MYH15: variants seen among roughly 807,000 people sequenced by gnomAD.
The protein encoded by MYH15 is myosin-15.
A neutral mutation model predicts 240.5 loss-of-function variants in MYH15; 227 were observed. That is an observed-to-expected ratio of 0.94 (90% CI 0.85 to 1.05). MYH15 has a LOEUF of 1.05. Ranked by LOEUF, MYH15 falls within the 50% of genes least tolerant of loss-of-function variation. The probability of loss-of-function intolerance (pLI) is 0.00; values close to 1 mark genes in which losing one functional copy is unlikely to be tolerated. For missense variants in MYH15, 2,217 were observed against 2,247.5 expected, an observed-to-expected ratio of 0.99 and a Z score of 0.27; for synonymous variants, 785 against 796.7, an observed-to-expected ratio of 0.99 and a Z score of 0.25.
At chr3:108,457,354 T>C (rs996096459) in intron 18 of MYH15, among the ~76,000 whole-genome samples, 2 of 152,172 alleles carry the variant, frequency 1.3e-5, no homozygotes, top group Non-Finnish European at 2.9e-5. Context: ...ACATTCTGTT[T>C]ACAGTTTTGC....
At chr3:108,396,899 C>T in intron 35 of MYH15, among the ~76,000 whole-genome samples, 1 of 152,236 alleles carries the variant, frequency 6.6e-6, no homozygotes, top group Middle Eastern at 3.4e-3. Context: ...GTAGGGGGAA[C>T]ATTGGCATTC....
chr3:108,497,147 C>T (rs1460030170), intron 6 of MYH15, among the ~76,000 whole-genome samples: 1 of 95,526 alleles, frequency 1.0e-5, no homozygotes, highest in South Asian at 4.2e-4. Flanking sequence ...GGCGAAAGAG[C>T]GAGACTCCGT....
chr3:108,440,294 G>C (rs1357847115), intron 23 of MYH15, among the ~76,000 whole-genome samples: 3 of 152,124 alleles, frequency 2.0e-5, no homozygotes, highest in Admixed American at 6.5e-5. Context: ...GGCATGTACT[G>C]ATTGTGTTGT....
intron 17 of MYH15, 66 bp from the exon 18 acceptor site, chr3:108,459,515 A>G (rs2083053505): frequency 4.4e-6 from 4 of 899,948 alleles, no homozygotes; most frequent in Non-Finnish European, 7.0e-6. Flanking sequence ...AATCCACCTC[A>G]CAAATGTCTC....
intron 21 of MYH15, among the ~76,000 whole-genome samples, chr3:108,446,692 T>G (rs2082931380): frequency 6.6e-6 from 1 of 152,210 alleles, no homozygotes; most frequent in Non-Finnish European, 1.5e-5. Flanking sequence ...CTGGAGCGGT[T>G]AGCAACAACG....
chr3:108,526,608 T>C (rs2083673740), intron 1 of MYH15, among the ~76,000 whole-genome samples: 1 of 152,132 alleles, frequency 6.6e-6, no homozygotes. Context: ...CCAATAATAA[T>C]TGCATTCAGA....
intron 16 of MYH15, among the ~76,000 whole-genome samples, chr3:108,462,282 A>G (rs1473975203): frequency 6.6e-6 from 1 of 152,136 alleles, no homozygotes; most frequent in Non-Finnish European, 1.5e-5. Flanking sequence ...TTTTCACTGC[A>G]TCGTAAATGC....
chr3:108,385,762 A>G (rs957170854), intron 38 of MYH15, among the ~76,000 whole-genome samples: 7 of 151,898 alleles, frequency 4.6e-5, no homozygotes, highest in African/African-American at 1.7e-4. Context: ...GGCAGCTTTA[A>G]TGTTCCCCCT....
At position 108,510,517 on chromosome 3, in the gene MYH15, T is replaced by C. The variant is rs745482063; in HGVS notation, c.14A>G (p.Asp5Gly). MDLS[D>G]LGEAAAFLRR... is the part of the protein sequence containing the mutation. ...GAGGAAGGCTGCGGCTTCTCCAAGGTCTGACAGATCCATCTTTATTAAAGC... is the reference window on the plus strand; with the variant it reads ...GAGGAAGGCTGCGGCTTCTCCAAGGCCTGACAGATCCATCTTTATTAAAGC... Residue 5 changes from aspartate (D) to glycine (G), a missense_variant, in exon 1 of 41, where the codon GAC (aspartate) becomes GGC (glycine). Asp to Gly is a moderately conservative substitution (Grantham distance 94). Transcript: ENST00000693548. 2 of 1,613,232 alleles carry C rather than the reference T, an allele frequency of 1.2e-6. No homozygotes were observed. The highest frequency in any genetic ancestry group is 1.7e-6 in the Non-Finnish European group (2 of 1,179,656).
At chr3:108,407,369 G>A (rs914240117) in intron 32 of MYH15, among the ~76,000 whole-genome samples, 4 of 152,126 alleles carry the variant, frequency 2.6e-5, no homozygotes, top group South Asian at 2.1e-4. Context: ...GAGGATCAGG[G>A]CTGTATTTTA....
chr3:108,396,056 T>C (rs148008813), intron 35 of MYH15, among the ~76,000 whole-genome samples: 5 of 152,312 alleles, frequency 3.3e-5, no homozygotes, highest in Middle Eastern at 3.4e-3. Flanking sequence ...GGGATTCTTA[T>C]ATGTACACAT....
intron 11 of MYH15, among the ~76,000 whole-genome samples, chr3:108,479,999 A>G (rs2083254027): frequency 6.6e-6 from 1 of 152,206 alleles, no homozygotes; most frequent in African/African-American, 2.4e-5. Context: ...GTAAGCCCTG[A>G]TGCTAGATAA....
intron 1 of MYH15, among the ~76,000 whole-genome samples, chr3:108,525,917 G>A (rs116761606): frequency 0.019 from 2,921 of 152,056 alleles, 105 homozygotes; most frequent in African/African-American, 0.067. Flanking sequence ...TAAACAAATG[G>A]TCTGGAATTA....
chr3:108,414,380 C>T lies in MYH15; in HGVS notation c.3997G>A (p.Asp1333Asn). The change falls in exon 30 of 41, where the codon GAC (aspartate) becomes AAC (asparagine). Residue 1333 changes from aspartate (D) to asparagine (N), a missense_variant. Transcript: ENST00000693548. ...TCCTCATACTGCTCTCGTAGAAGGT[C>T]ACAGTCACGCTGAGCCTTCTGCAGG... Reference protein sequence around the residue: ...HALQKAQRDCDLLREQYEEEQ... With the variant: ...HALQKAQRDCNLLREQYEEEQ... The T allele has an allele frequency of 6.2e-7, 1 of 1,614,178 alleles. No homozygotes were observed. The highest frequency in any genetic ancestry group is 8.5e-7 in the Non-Finnish European group (1 of 1,180,034).
rs768847887 is a variant in MYH15, at chr3:108,460,274, T to C, written c.1932+26A>G. On this transcript the variant is annotated intron_variant, in intron 17 of 40. Coordinates refer to ENST00000693548, the MANE Select transcript of MYH15 (RefSeq NM_014981.3). ...TATGCAGATTGTGAGGCAATTAATA[T>C]ATGAATAGACGCAATTAAAAATTAC... 2.6e-6 allele frequency: 4 copies of C among 1,535,482 alleles called. No individual in the cohort carries two copies. In the East Asian group the frequency reaches 6.8e-5, roughly 26 times the overall value.
At chr3:108,532,371 T>C (rs2083717379), upstream of MYH15, among the ~76,000 whole-genome samples, 1 of 152,164 alleles carries the variant, frequency 6.6e-6, no homozygotes, top group Non-Finnish European at 1.5e-5. Context: ...AAGAAGGAAC[T>C]CCTCCTGTTT....
intron 33 of MYH15, among the ~76,000 whole-genome samples, chr3:108,400,795 C>T (rs575443922): frequency 9.9e-5 from 15 of 152,092 alleles, no homozygotes; most frequent in East Asian, 5.8e-4. Flanking sequence ...GGCAACAAAG[C>T]GAGACTCTTG....
At chr3:108,485,585 T>C (rs994677223) in intron 10 of MYH15, among the ~76,000 whole-genome samples, 35 of 152,176 alleles carry the variant, frequency 2.3e-4, no homozygotes, top group Admixed American at 9.2e-4. Flanking sequence ...ATCTGCTGAG[T>C]TGCTTGTTTC....
In MYH15 at chr3:108,470,742, A is replaced by T; in HGVS notation, c.1339T>A (p.Phe447Ile). The change falls in exon 13 of 41, where the codon TTC (phenylalanine) becomes ATC (isoleucine). Residue 447 changes from phenylalanine to isoleucine, a missense_variant. Coordinates refer to ENST00000693548, the MANE Select transcript of MYH15 (RefSeq NM_014981.3). Reference protein sequence around the residue: ...RALDAKLSRQFFIGILDITGF... With the variant: ...RALDAKLSRQIFIGILDITGF... Reference sequence around the variant, plus strand: ...GTGATGTCAAGAATGCCAATGAAGAACTGCCTTGACAGCTTGGCATCCAGG... The same window carrying T: ...GTGATGTCAAGAATGCCAATGAAGATCTGCCTTGACAGCTTGGCATCCAGG... 1 of 1,613,850 alleles carries T rather than the reference A, an allele frequency of 6.2e-7. No individual in the cohort carries two copies. The highest frequency in any genetic ancestry group is 8.5e-7 in the Non-Finnish European group (1 of 1,179,844).
Sources: allele counts gnomAD v4.1 joint callset (sites outside exome capture counted in the v4.1 genomes callset), GRCh38; gene constraint gnomAD v4.1.1; transcripts MANE v1.5; gene names NCBI Gene and HGNC (gene_info 2026-07-23, HGNC 2026-07-21).